The following SLC38A11 variants were observed in gnomAD, a reference collection of about 807,000 sequenced individuals.
SLC38A11 encodes the protein solute carrier family 38 member 11, also known as putative sodium-coupled neutral amino acid transporter 11.
Under a neutral mutation model 49.4 loss-of-function variants are expected in SLC38A11, and 51 were observed. The ratio of observed to expected loss-of-function variants is 1.03; its 90% confidence interval spans 0.83 to 1.30. The LOEUF is 1.30. Ranked by LOEUF, SLC38A11 falls within the 50% of genes most tolerant of loss-of-function variation. The pLI is 0.00. For synonymous variants in SLC38A11, 203 were observed against 192.9 expected (o/e 1.05, Z -0.43); for missense variants, 574 against 556.2 (o/e 1.03, Z -0.32).
At chr2:164,906,075 T>G (rs1438079684) in intron 11 of SLC38A11, among the ~76,000 whole-genome samples, 1 of 152,206 alleles carries the variant, frequency 6.6e-6, no homozygotes. Context: ...AAATGAGCAA[T>G]ATGTGTGCAC....
In SLC38A11 at chr2:164,951,987, C is replaced by T. The variant is rs567666350; in HGVS notation, c.229+720G>A. On this transcript the variant is annotated intron_variant, in intron 3 of 11. Coordinates refer to ENST00000685975, the MANE Select transcript of SLC38A11 (RefSeq NM_001351537.2). ...TGGTGTCTGTTTTTGATCATTGCCACCACCTCTTTCACAGTGATCCTAAGG... is the reference window on the plus strand; with the variant it reads ...TGGTGTCTGTTTTTGATCATTGCCATCACCTCTTTCACAGTGATCCTAAGG... Among the ~76,000 whole-genome samples, 43 of 30,232 alleles carry T rather than the reference C, an allele frequency of 1.4e-3. 1 individual carries two copies. In the East Asian group the frequency reaches 0.057, roughly 40 times the overall value. The allele number at this position is 30,232 out of a possible 152,430, so 19.8% of individuals were successfully genotyped here.
At chr2:164,916,144 G>T (rs1685769711) in intron 7 of SLC38A11, among the ~76,000 whole-genome samples, 171 bp from the exon 8 acceptor site, 1 of 152,078 alleles carries the variant, frequency 6.6e-6, no homozygotes, top group Non-Finnish European at 1.5e-5. Context: ...AGGAGCATGA[G>T]TGTTATCTCT....
chr2:164,910,596 C>G (rs187358040), intron 10 of SLC38A11, among the ~76,000 whole-genome samples: 8 of 152,074 alleles, frequency 5.3e-5, no homozygotes, highest in Non-Finnish European at 8.8e-5. Context: ...TCTGTTTCCC[C>G]GTGCAGTCAG....
Position 164,898,587 on chromosome 2 carries a change from G to T in SLC38A11, c.1239C>A (p.Phe413Leu), listed in dbSNP as rs146184099. The part of the protein sequence containing the change: ...PIGAVVMVFG[F>L]VMAITNTQDC... ...CTTGAGTATTTGTAATAGCCATGAC[G>T]AATCCAAAAACCATCACCACAGCAC... The change falls in exon 12 of 12, where the codon TTC (phenylalanine) becomes TTA (leucine). Residue 413 changes from phenylalanine to leucine, a missense_variant. Transcript: ENST00000685975. The T allele has an allele frequency of 1.2e-6, 2 of 1,613,560 alleles. No individual in the cohort carries two copies. The highest frequency in any genetic ancestry group is 3.3e-5 in the Admixed American group (2 of 59,916).
rs545848229 is a variant in SLC38A11 at position 164,928,692 on chromosome 2, GGAAATTTAACCAACCA to G, written c.617+8642_617+8657del. On this transcript the variant is annotated intron_variant, in intron 7 of 11. Coordinates refer to ENST00000685975, the MANE Select transcript of SLC38A11 (RefSeq NM_001351537.2). Reference sequence around the variant, plus strand: ...CTCACTTCCTATGGTGAGACCAATAGGAAATTTAACCAACCAGAATATTCATGTTCTGAACCTACTC... The same window carrying G: ...CTCACTTCCTATGGTGAGACCAATAGGAATATTCATGTTCTGAACCTACTC... Among the ~76,000 whole-genome samples the G allele has an allele frequency of 1.6e-3, 249 of 150,910 alleles. 2 individuals are homozygous for G. Among genetic ancestry groups the G allele is most frequent in the African/African-American group, 5.7e-3 (233 of 41,146 alleles).
In SLC38A11 at chr2:164,911,686, C is replaced by T. The variant is rs1685417310; in HGVS notation, c.913G>A (p.Gly305Ser). ...GGGTATGTCAAAATGACAGTGACAC[C>T]ATAACAAAATCTTCCAAATGTTACC... Reference protein sequence around the residue: ...DLVTFGRFCYGVTVILTYPME... With the variant: ...DLVTFGRFCYSVTVILTYPME... The change falls in exon 10 of 12, where the codon GGT becomes AGT. Residue 305 changes from glycine to serine, a missense_variant. Transcript: ENST00000685975. 1 of 1,607,346 alleles carries T rather than the reference C, an allele frequency of 6.2e-7. No homozygotes were observed. Among genetic ancestry groups the T allele is most frequent in the Admixed American group, 1.7e-5 (1 of 59,026 alleles).
chr2:164,900,049 A>G (rs539285745), intron 11 of SLC38A11, among the ~76,000 whole-genome samples: 1 of 152,216 alleles, frequency 6.6e-6, no homozygotes, highest in East Asian at 1.9e-4. Context: ...GAGATCATGT[A>G]ATATTTTGCT....
intron 7 of SLC38A11, among the ~76,000 whole-genome samples, chr2:164,925,769 A>C (rs1686530347): frequency 6.6e-6 from 1 of 152,166 alleles, no homozygotes; most frequent in Admixed American, 6.5e-5. Context: ...AAGCTGTAAG[A>C]GGTCTTCAGA....
Position 164,924,568 on chromosome 2 carries a change from G to C in SLC38A11, c.618-8595C>G, listed in dbSNP as rs1686434778. ...AGTTCCTGTACATCCTGTAAGAAAA[G>C]CTTGATGCAAATCATTTCTAATTAA... On this transcript the variant is annotated intron_variant, in intron 7 of 11. Transcript: ENST00000685975. 4.6e-5 allele frequency among the ~76,000 whole-genome samples: 7 copies of C among 152,066 alleles called. No individual in the cohort carries two copies. In the South Asian group the frequency reaches 1.5e-3, roughly 32 times the overall value.
At chr2:164,948,924 G>A (rs1456306858) in intron 3 of SLC38A11, among the ~76,000 whole-genome samples, 1 of 146,356 alleles carries the variant, frequency 6.8e-6, no homozygotes, top group African/African-American at 2.5e-5. Context: ...CTCAGAGGAA[G>A]TATCTCCTCC....
chr2:164,906,044 CA>C (rs887736360), intron 11 of SLC38A11, among the ~76,000 whole-genome samples: 15 of 151,318 alleles, frequency 9.9e-5, no homozygotes, highest in African/African-American at 3.4e-4. Context: ...GCTAGATTTA[CA>C]AAAAAAACTC....
intron 7 of SLC38A11, among the ~76,000 whole-genome samples, chr2:164,930,675 T>A (rs950354106): frequency 7.2e-5 from 11 of 152,086 alleles, no homozygotes; most frequent in African/African-American, 2.7e-4. Context: ...TCTCAATAAA[T>A]GCCAAAAAGG....
chr2:164,921,836 A>C (rs995994994), intron 7 of SLC38A11, among the ~76,000 whole-genome samples: 4 of 152,234 alleles, frequency 2.6e-5, no homozygotes, highest in African/African-American at 7.2e-5. Context: ...GGACTGGCTT[A>C]TAGCAGTTTG....
chr2:164,899,164 A>T (rs912900820), intron 11 of SLC38A11, among the ~76,000 whole-genome samples: 1 of 152,140 alleles, frequency 6.6e-6, no homozygotes, highest in African/African-American at 2.4e-5. Context: ...AATTTTGGGA[A>T]ATTGTATAGG....
At position 164,937,798 on chromosome 2, in the gene SLC38A11, C is replaced by T. The variant is rs80226816; in HGVS notation, c.538-369G>A. The T allele has an allele frequency of 1.3e-3, 210 of 161,968 alleles. 4 individuals are homozygous for T. The East Asian group carries it at 0.03, about 24-fold the overall frequency. 10.0% of individuals were successfully genotyped at this position (161,968 alleles called of 1,614,324 possible). ...TCTTCAAGTCTTATTTTAGTGTTGA[C>T]ATGTGCTTTTTTACTATCTATAATT... On this transcript the variant is annotated intron_variant, in intron 6 of 11. Coordinates refer to ENST00000685975, the MANE Select transcript of SLC38A11 (RefSeq NM_001351537.2).
At chr2:164,953,494 G>T (rs1003327416) in intron 2 of SLC38A11, among the ~76,000 whole-genome samples, 1 of 152,164 alleles carries the variant, frequency 6.6e-6, no homozygotes, top group African/African-American at 2.4e-5. Context: ...AACTTAACAC[G>T]TTCACATCAG....
At chr2:164,937,250 T>A in intron 7 of SLC38A11, 100 bp downstream of exon 7, 2 of 796,722 alleles carry the variant, frequency 2.5e-6, no homozygotes, top group Non-Finnish European at 4.2e-6. Context: ...AAATGATGTT[T>A]CTGATACCAT....
intron 3 of SLC38A11, among the ~76,000 whole-genome samples, chr2:164,952,391 A>G (rs1688581878): frequency 1.3e-5 from 2 of 152,304 alleles, no homozygotes; most frequent in South Asian, 2.1e-4. Flanking sequence ...CTTTCAGAGC[A>G]CAGTCGTCTC....
chr2:164,938,527 T>C (rs1432729359), intron 6 of SLC38A11, among the ~76,000 whole-genome samples: 1 of 152,218 alleles, frequency 6.6e-6, no homozygotes, highest in East Asian at 1.9e-4. Context: ...ACACTGAATA[T>C]GTGAAATGGA....
Sources: allele counts gnomAD v4.1 joint callset (sites outside exome capture counted in the v4.1 genomes callset), GRCh38; gene constraint gnomAD v4.1.1; transcripts MANE v1.5; gene names NCBI Gene and HGNC (gene_info 2026-07-23, HGNC 2026-07-21).